PUDP: variants seen among roughly 807,000 people sequenced by gnomAD.
PUDP encodes pseudouridine 5'-phosphatase, also known as pseudouridine-5'-phosphatase.
A neutral mutation model predicts 9.4 loss-of-function variants in PUDP; 8 were observed. The ratio of observed to expected loss-of-function variants is 0.85; its 90% CI spans 0.50 to 1.53. The LOEUF is 1.53. Ranked by LOEUF, PUDP falls within the 40% of genes most tolerant of loss-of-function variation. The pLI is 0.00. For missense variants in PUDP, 188 were observed against 189.7 expected (o/e 0.99, Z 0.05); for synonymous variants, 99 against 80.7 (o/e 1.23, Z -1.22).
chrX:6,741,847 TTTC>T (rs1278426133), intron 3 of PUDP, among the ~76,000 whole-genome samples: 2 of 104,656 alleles, frequency 1.9e-5, no homozygotes, highest in African/African-American at 7.6e-5. Context: ...TCTTTCTTTC[TTTC>T]TTTTTCTTTC....
At chrX:6,937,037 G>T (rs1234723616) in intron 3 of PUDP, among the ~76,000 whole-genome samples, 2 of 105,360 alleles carry the variant, frequency 1.9e-5, no homozygotes, top group Non-Finnish European at 3.9e-5. Flanking sequence ...AATCAATATC[G>T]TGAAAATGGC....
intron 3 of PUDP, among the ~76,000 whole-genome samples, chrX:6,808,973 G>A (rs2050393964): frequency 8.9e-6 from 1 of 111,868 alleles, no homozygotes; most frequent in African/African-American, 3.2e-5. Context: ...ACAAGTCCTT[G>A]TATGTTGAGT....
intron 3 of PUDP, among the ~76,000 whole-genome samples, chrX:7,074,956 A>C (rs1243403868): frequency 3.6e-5 from 4 of 112,314 alleles, no homozygotes; most frequent in African/African-American, 1.3e-4. Context: ...ATGAGACTTA[A>C]ATCAAGAATG....
intron 3 of PUDP, among the ~76,000 whole-genome samples, chrX:6,735,309 G>T (rs191698067): frequency 5.4e-5 from 6 of 111,353 alleles, no homozygotes; most frequent in African/African-American, 1.6e-4. Context: ...TTGGGACACA[G>T]ATCTGTCCAC....
intron 1 of PUDP, among the ~76,000 whole-genome samples, chrX:7,007,418 C>G (rs187037734): frequency 1.2e-4 from 14 of 112,372 alleles, no homozygotes; most frequent in African/African-American, 4.5e-4. Context: ...CTATGTGGAA[C>G]TTGAGCTGGT....
chrX:6,850,207 A>G (rs763507310), intron 3 of PUDP, among the ~76,000 whole-genome samples: 1 of 111,823 alleles, frequency 8.9e-6, no homozygotes, highest in South Asian at 3.8e-4. Flanking sequence ...GTTTCCACAA[A>G]CACTTTCACT....
At chrX:6,986,158 C>A (rs781516752) in intron 1 of PUDP, among the ~76,000 whole-genome samples, 1 of 112,151 alleles carries the variant, frequency 8.9e-6, no homozygotes, top group South Asian at 3.8e-4. Flanking sequence ...AAGAAATAAC[C>A]ATAAAAATGG....
At chrX:7,014,726 G>T (rs1381112561) in intron 1 of PUDP, among the ~76,000 whole-genome samples, 7 of 111,641 alleles carry the variant, frequency 6.3e-5, no homozygotes, top group Non-Finnish European at 1.1e-4. Flanking sequence ...AACTAGTGTG[G>T]AAGACAGCCA....
intron 1 of PUDP, among the ~76,000 whole-genome samples, chrX:6,994,554 T>C (rs143850500): frequency 0.036 from 4,013 of 111,676 alleles, 125 homozygotes; most frequent in African/African-American, 0.094. Context: ...CTCTGATATG[T>C]TCTCCAGAAT....
chrX:6,985,596 C>T (rs894288645), intron 1 of PUDP, among the ~76,000 whole-genome samples: 1 of 111,378 alleles, frequency 9.0e-6, no homozygotes, highest in African/African-American at 3.3e-5. Context: ...TGTTACATTC[C>T]GGCCTTTGTA....
upstream of PUDP, among the ~76,000 whole-genome samples, chrX:6,722,822 T>C (rs930614374): frequency 2.0e-4 from 22 of 111,933 alleles, no homozygotes; most frequent in Admixed American, 2.1e-3. Context: ...ATATGAAAAT[T>C]TGTTCAAACC....
chrX:7,062,340 C>T (rs939037790), intron 3 of PUDP, among the ~76,000 whole-genome samples: 2 of 111,637 alleles, frequency 1.8e-5, no homozygotes, highest in African/African-American at 3.3e-5. Flanking sequence ...GACAGCAGTC[C>T]ATTCACCAGG....
rs752647302 is a variant in PUDP, at chrX:7,105,710, C to T, written c.190G>A (p.Val64Ile). ...ALEAAQIIID[V>I]LQLPMSKEEL... The stretch of plus-strand genomic sequence containing the variant: ...TCTTTGGACATCGGGAGCTGCAAGA[C>T]GTCTATTATAATCTGTGCCGCCTCT... The change falls in exon 2 of 4, where the codon GTC (valine) becomes ATC (isoleucine). Residue 64 changes from valine (V) to isoleucine (I), a missense_variant. Transcript: ENST00000381077. The T allele has an allele frequency of 5.0e-6, 6 of 1,207,392 alleles. No homozygotes were observed. The highest frequency in any genetic ancestry group is 3.5e-5 in the South Asian group (2 of 56,360).
At chrX:7,088,715 T>C (rs1286197545) in intron 2 of PUDP, among the ~76,000 whole-genome samples, 1 of 112,352 alleles carries the variant, frequency 8.9e-6, no homozygotes, top group African/African-American at 3.2e-5. Context: ...TACATACAAA[T>C]TGCCCTCTGA....
At chrX:6,815,414 T>G (rs1926213724) in intron 3 of PUDP, among the ~76,000 whole-genome samples, 1 of 112,317 alleles carries the variant, frequency 8.9e-6, no homozygotes, top group Admixed American at 9.5e-5. Flanking sequence ...TCATTCAAAC[T>G]GAAAACCTCA....
At chrX:7,123,359 G>T (rs60072163) in intron 1 of PUDP, among the ~76,000 whole-genome samples, 2 of 112,006 alleles carry the variant, frequency 1.8e-5, no homozygotes, top group African/African-American at 6.5e-5. Flanking sequence ...AAGTGGTTAA[G>T]ATGTTTATCA....
intron 3 of PUDP, among the ~76,000 whole-genome samples, chrX:6,776,040 C>T (rs1925453321): frequency 8.9e-6 from 1 of 112,150 alleles, no homozygotes. Flanking sequence ...GGCTGTGCCA[C>T]TTTACATTCT....
chrX:6,808,536 A>C (rs926958745), intron 3 of PUDP, among the ~76,000 whole-genome samples: 4 of 111,911 alleles, frequency 3.6e-5, no homozygotes, highest in African/African-American at 1.3e-4. Flanking sequence ...GATAGGAAGG[A>C]TAAAGCCACC....
intron 3 of PUDP, among the ~76,000 whole-genome samples, chrX:6,866,714 G>A: frequency 8.9e-6 from 1 of 112,238 alleles, no homozygotes; most frequent in East Asian, 2.8e-4. Context: ...GCATGTCACA[G>A]ATTCAGTCAA....
Sources: gnomAD v4.1 joint callset for allele counts (sites outside exome capture counted in the v4.1 genomes callset) on GRCh38, gnomAD v4.1.1 for gene constraint, MANE v1.5 for transcripts, NCBI Gene and HGNC (gene_info 2026-07-23, HGNC 2026-07-21) for gene names.